Variants in SPRR2B observed in about 807,000 individuals in gnomAD.
The protein encoded by SPRR2B is small proline-rich protein 2B.
Under a neutral mutation model 1.0 loss-of-function variants are expected in SPRR2B, and 1 was observed. That is an observed-to-expected ratio of 1.01 (90% CI 0.36 to 4.77). The LOEUF (loss-of-function observed/expected upper bound fraction) is 4.77. Ranked by LOEUF, SPRR2B falls within the 30% of genes most tolerant of loss-of-function variation. The pLI is 0.16. For missense variants in SPRR2B, 53 were observed against 88.7 expected (o/e 0.60, Z 1.62); for synonymous variants, 27 against 33.4 (o/e 0.81, Z 0.66).
At chr1:153,075,538 A>G (rs980679367), upstream of SPRR2B, among the ~76,000 whole-genome samples, 4 of 152,170 alleles carry the variant, frequency 2.6e-5, no homozygotes, top group African/African-American at 9.7e-5. Context: ...GGTGATAAAG[A>G]TAATAGAACA....
upstream of SPRR2B, among the ~76,000 whole-genome samples, chr1:153,073,610 G>A (rs1326050516): frequency 6.6e-6 from 1 of 151,784 alleles, no homozygotes; most frequent in African/African-American, 2.4e-5. Flanking sequence ...ATGAAGAGTG[G>A]TCATAACATG....
the SPRR2B span, among the ~76,000 whole-genome samples, chr1:153,078,925 G>C: frequency 6.6e-6 from 1 of 152,184 alleles, no homozygotes; most frequent in African/African-American, 2.4e-5. Context: ...TTAGATCCCT[G>C]AGGAATCACC....
chr1:153,086,466 A>G, the SPRR2B span, among the ~76,000 whole-genome samples: 1 of 152,228 alleles, frequency 6.6e-6, no homozygotes, highest in African/African-American at 2.4e-5. Flanking sequence ...ATTCAAAGCA[A>G]CAAGACAACC....
chr1:153,074,370 A>G (rs927515970), upstream of SPRR2B, among the ~76,000 whole-genome samples: 30 of 152,272 alleles, frequency 2.0e-4, no homozygotes, highest in Non-Finnish European at 3.8e-4. Context: ...GAAAAAATAA[A>G]GAAACAAAAT....
intron 1 of SPRR2B, among the ~76,000 whole-genome samples, 161 bp downstream of exon 1, chr1:153,071,408 A>G: frequency 6.6e-6 from 1 of 152,200 alleles, no homozygotes; most frequent in East Asian, 1.9e-4. Context: ...TATTTTTTAA[A>G]GCTGTGTAAA....
upstream of SPRR2B, among the ~76,000 whole-genome samples, chr1:153,073,737 T>G (rs1352446462): frequency 3.5e-5 from 5 of 141,122 alleles, no homozygotes; most frequent in South Asian, 1.1e-3. Flanking sequence ...ACACACAACA[T>G]GAGTCTTTAT....
upstream of SPRR2B, among the ~76,000 whole-genome samples, chr1:153,075,480 C>T (rs990385928): frequency 6.6e-6 from 1 of 151,828 alleles, no homozygotes; most frequent in African/African-American, 2.4e-5. Flanking sequence ...GAAATCATAA[C>T]ATTGGCCATA....
the SPRR2B span, among the ~76,000 whole-genome samples, chr1:153,077,801 G>C: frequency 6.6e-6 from 1 of 152,070 alleles, no homozygotes; most frequent in Non-Finnish European, 1.5e-5. Flanking sequence ...TTTTAATAGA[G>C]GCAGGGTTTC....
chr1:153,081,237 A>G, the SPRR2B span, among the ~76,000 whole-genome samples: 10 of 152,336 alleles, frequency 6.6e-5, no homozygotes, highest in South Asian at 1.0e-3. Flanking sequence ...CAATGAATTC[A>G]GTGACACCCA....
chr1:153,070,367 T>C lies in SPRR2B; in HGVS notation c.*254A>G. 1.6e-6 allele frequency: 1 copy of C among 643,914 alleles called. No homozygotes were observed. The highest frequency in any genetic ancestry group is 2.6e-6 in the Non-Finnish European group (1 of 389,252). The allele number at this position is 643,914 out of a possible 1,614,324, so 39.9% of individuals were successfully genotyped here. A position where few individuals can be genotyped will look rare whatever the true frequency, so the allele number is the denominator to read the frequency against. Reference sequence around the variant, plus strand: ...GTTCCCAGGCACACAGCTGCAGCTCTTTCTGCTGAAGCTCTGGGAACTGAC... The same window carrying C: ...GTTCCCAGGCACACAGCTGCAGCTCCTTCTGCTGAAGCTCTGGGAACTGAC... On this transcript the variant is annotated 3_prime_UTR_variant, in exon 2 of 2. Transcript: ENST00000368755.
chr1:153,077,985 C>CA, the SPRR2B span, among the ~76,000 whole-genome samples: 26 of 151,624 alleles, frequency 1.7e-4, no homozygotes, highest in African/African-American at 3.6e-4. Flanking sequence ...CATTTTACTA[C>CA]AAAAAAAATC....
At chr1:153,077,924 G>T in the SPRR2B span, among the ~76,000 whole-genome samples, 1 of 151,868 alleles carries the variant, frequency 6.6e-6, no homozygotes, top group East Asian at 1.9e-4. Context: ...AATCCCCAAT[G>T]AAAACACAAA....
At chr1:153,078,282 C>T in the SPRR2B span, among the ~76,000 whole-genome samples, 2 of 152,178 alleles carry the variant, frequency 1.3e-5, no homozygotes, top group Admixed American at 1.3e-4. Context: ...ACACTAACAT[C>T]AGACATAATT....
the SPRR2B span, among the ~76,000 whole-genome samples, chr1:153,083,560 A>G: frequency 6.6e-6 from 1 of 152,208 alleles, no homozygotes. Flanking sequence ...GAGGGAAGGC[A>G]CTGAGAGTGA....
upstream of SPRR2B, among the ~76,000 whole-genome samples, chr1:153,075,615 A>G (rs530073159): frequency 6.6e-6 from 1 of 152,352 alleles, no homozygotes; most frequent in Admixed American, 6.5e-5. Flanking sequence ...GACTGCATTT[A>G]AAGTATTTAG....
the SPRR2B span, among the ~76,000 whole-genome samples, chr1:153,084,636 G>A: frequency 5.2e-4 from 79 of 152,068 alleles, no homozygotes; most frequent in Non-Finnish European, 8.8e-4. Context: ...CCCCACAGAG[G>A]CAGGTACCCT....
chr1:153,086,671 T>C, the SPRR2B span, among the ~76,000 whole-genome samples: 3 of 152,152 alleles, frequency 2.0e-5, no homozygotes, highest in East Asian at 1.9e-4. Context: ...AGACACATCA[T>C]AGAGACAGAA....
the SPRR2B span, among the ~76,000 whole-genome samples, chr1:153,078,624 T>C: frequency 6.6e-6 from 1 of 152,286 alleles, no homozygotes; most frequent in Admixed American, 6.5e-5. Flanking sequence ...TTTGGTTTTT[T>C]GTTCTTGCGA....
the SPRR2B span, among the ~76,000 whole-genome samples, chr1:153,081,444 C>T: frequency 6.6e-6 from 1 of 152,164 alleles, no homozygotes; most frequent in Admixed American, 6.5e-5. Flanking sequence ...ATCCTATAGC[C>T]AGCAAAATTG....
Sources: allele counts gnomAD v4.1 joint callset (sites outside exome capture counted in the v4.1 genomes callset), GRCh38; gene constraint gnomAD v4.1.1; transcripts MANE v1.5; gene names NCBI Gene and HGNC (gene_info 2026-07-23, HGNC 2026-07-21).